ALK: variants seen among roughly 807,000 people sequenced by gnomAD.
ALK encodes the protein ALK tyrosine kinase receptor.
A neutral mutation model predicts 163.1 loss-of-function variants in ALK; 74 were observed. That is an observed-to-expected ratio of 0.45 (90% CI 0.38 to 0.55). The LOEUF (loss-of-function observed/expected upper bound fraction) is 0.55, where lower values mean the gene tolerates loss of function less well. ALK is among the 20% of genes least tolerant of loss of function. The probability of loss-of-function intolerance (pLI) is 0.00; values close to 1 mark genes in which losing one functional copy is unlikely to be tolerated. For missense variants in ALK, 2,063 were observed against 2,105.3 expected, an observed-to-expected ratio of 0.98 and a Z score of 0.39; for synonymous variants, 960 against 843.2, an observed-to-expected ratio of 1.14 and a Z score of -2.40.
chr2:29,198,482 G>T (rs1669078599), intron 26 of ALK, among the ~76,000 whole-genome samples: 1 of 152,162 alleles, frequency 6.6e-6, no homozygotes, highest in Non-Finnish European at 1.5e-5. Flanking sequence ...TTTCAAGATA[G>T]ATCTTGAATC....
intron 3 of ALK, among the ~76,000 whole-genome samples, chr2:29,564,291 G>A (rs1311938721): frequency 6.6e-6 from 1 of 152,138 alleles, no homozygotes; most frequent in African/African-American, 2.4e-5. Context: ...GGGGTGACAG[G>A]TGCTTCTTCT....
At chr2:29,906,852 C>T (rs181407377) in intron 1 of ALK, among the ~76,000 whole-genome samples, 185 of 151,586 alleles carry the variant, frequency 1.2e-3, no homozygotes, top group Middle Eastern at 3.5e-3. Context: ...TAAATATTTT[C>T]CCAACAGACT....
intron 4 of ALK, among the ~76,000 whole-genome samples, chr2:29,422,775 T>C (rs1179682789): frequency 1.3e-5 from 2 of 152,238 alleles, no homozygotes; most frequent in African/African-American, 2.4e-5. Context: ...AGGGTTATTG[T>C]TCCTTAAGGG....
At chr2:29,334,058 G>T (rs1406965024) in intron 5 of ALK, among the ~76,000 whole-genome samples, 1 of 152,010 alleles carries the variant, frequency 6.6e-6, no homozygotes, top group Non-Finnish European at 1.5e-5. Context: ...TCTCCTCTGG[G>T]GACACCTTCC....
At chr2:29,918,150 C>G (rs912103913) in intron 1 of ALK, among the ~76,000 whole-genome samples, 3 of 152,218 alleles carry the variant, frequency 2.0e-5, no homozygotes, top group Non-Finnish European at 2.9e-5. Context: ...TAGCTTCATG[C>G]AACCTACCTG....
chr2:29,836,595 A>C (rs1215786804), intron 1 of ALK, among the ~76,000 whole-genome samples: 1 of 152,258 alleles, frequency 6.6e-6, no homozygotes, highest in East Asian at 1.9e-4. Flanking sequence ...TAAGTGTAAT[A>C]TCACCTTAAG....
intron 3 of ALK, among the ~76,000 whole-genome samples, chr2:29,537,164 G>A (rs1186098878): frequency 3.9e-5 from 6 of 152,220 alleles, no homozygotes; most frequent in Admixed American, 3.3e-4. Flanking sequence ...CTCGCTAAGC[G>A]AATAGCATGA....
intron 8 of ALK, among the ~76,000 whole-genome samples, chr2:29,304,614 C>T (rs1009900558): frequency 6.6e-6 from 1 of 152,200 alleles, no homozygotes; most frequent in African/African-American, 2.4e-5. Context: ...CTGGAACCAC[C>T]TGCCCTTTGC....
intron 4 of ALK, among the ~76,000 whole-genome samples, chr2:29,390,399 A>T (rs1400325555): frequency 6.6e-6 from 1 of 152,196 alleles, no homozygotes; most frequent in Non-Finnish European, 1.5e-5. Context: ...CGTGGTGATG[A>T]TTATTATCAA....
At chr2:29,643,903 T>A (rs187622024) in intron 3 of ALK, among the ~76,000 whole-genome samples, 5 of 152,246 alleles carry the variant, frequency 3.3e-5, no homozygotes, top group Non-Finnish European at 5.9e-5. Context: ...ACTGGGTATA[T>A]ACCTGAGGGA....
chr2:29,352,164 G>A (rs1354372956), intron 5 of ALK, among the ~76,000 whole-genome samples: 1 of 152,210 alleles, frequency 6.6e-6, no homozygotes, highest in South Asian at 2.1e-4. Context: ...CATCTGTGCT[G>A]CACCCTCACC....
At chr2:29,620,769 T>C (rs1314470115) in intron 3 of ALK, among the ~76,000 whole-genome samples, 1 of 152,202 alleles carries the variant, frequency 6.6e-6, no homozygotes, top group Admixed American at 6.5e-5. Context: ...ACATGGGCGA[T>C]ACAGTATAAA....
chr2:29,820,649 C>A (rs1018561980), intron 1 of ALK, among the ~76,000 whole-genome samples: 1 of 152,212 alleles, frequency 6.6e-6, no homozygotes, highest in Non-Finnish European at 1.5e-5. Context: ...GATGAAGATT[C>A]ATGAGATTCT....
chr2:29,616,199 C>T (rs1038895051), intron 3 of ALK, among the ~76,000 whole-genome samples: 2 of 152,176 alleles, frequency 1.3e-5, no homozygotes, highest in African/African-American at 2.4e-5. Flanking sequence ...CTGCTTGGAA[C>T]CCCCAGGAGC....
intron 3 of ALK, among the ~76,000 whole-genome samples, chr2:29,650,974 T>A (rs924630508): frequency 1.3e-5 from 2 of 152,152 alleles, no homozygotes; most frequent in East Asian, 3.9e-4. Context: ...TTATGGAGAA[T>A]GCAGAGTCTG....
At chr2:29,244,452 G>A (rs1057282926) in intron 12 of ALK, among the ~76,000 whole-genome samples, 1 of 152,178 alleles carries the variant, frequency 6.6e-6, no homozygotes, top group Admixed American at 6.5e-5. Flanking sequence ...AATTGTGGAG[G>A]CAGGTGCTTC....
chr2:29,663,259 GA>G (rs1677406472), intron 3 of ALK, among the ~76,000 whole-genome samples: 1 of 152,066 alleles, frequency 6.6e-6, no homozygotes, highest in Admixed American at 6.5e-5. Flanking sequence ...TAGGGACACT[GA>G]AAAAAGTTTA....
At chr2:29,609,795 C>T (rs948256451) in intron 3 of ALK, among the ~76,000 whole-genome samples, 1 of 152,142 alleles carries the variant, frequency 6.6e-6, no homozygotes, top group Admixed American at 6.5e-5. Flanking sequence ...AGGCACAAGC[C>T]ACCACACTTG....
At chr2:29,742,223 T>C (rs997736242) in intron 1 of ALK, among the ~76,000 whole-genome samples, 4 of 152,240 alleles carry the variant, frequency 2.6e-5, no homozygotes, top group Non-Finnish European at 4.4e-5. Context: ...TTAGGTGAGA[T>C]GCCATCTTAA....
Sources: allele counts gnomAD v4.1 joint callset (sites outside exome capture counted in the v4.1 genomes callset), GRCh38; gene constraint gnomAD v4.1.1; transcripts MANE v1.5; gene names NCBI Gene and HGNC (gene_info 2026-07-23, HGNC 2026-07-21).